The following ADARB2 variants were observed in gnomAD, a reference collection of about 807,000 sequenced individuals.
The protein encoded by ADARB2 is inactive double-stranded RNA-specific editase B2.
ADARB2 carries 25 observed loss-of-function variants against 62.2 expected under a neutral mutation model. That is an observed-to-expected ratio of 0.40 (90% CI 0.29 to 0.56). The LOEUF (loss-of-function observed/expected upper bound fraction) is 0.56. Ranked by LOEUF, ADARB2 falls within the 20% of genes least tolerant of loss-of-function variation. ADARB2 has a pLI of 0.43. For missense variants in ADARB2, 1,071 were observed against 1,077.4 expected (o/e 0.99, Z 0.08); for synonymous variants, 572 against 500.8 (o/e 1.14, Z -1.90).
intron 1 of ADARB2, among the ~76,000 whole-genome samples, chr10:1,687,917 G>A (rs536705898): frequency 2.0e-4 from 30 of 152,282 alleles, no homozygotes; most frequent in African/African-American, 6.7e-4. Context: ...AGTTCTAAAC[G>A]GAGCAGTTGA....
intron 1 of ADARB2, among the ~76,000 whole-genome samples, chr10:1,642,598 A>T (rs914124393): frequency 6.6e-6 from 1 of 152,252 alleles, no homozygotes. Flanking sequence ...AAGATAAAGA[A>T]GGAGCTACTA....
intron 1 of ADARB2, among the ~76,000 whole-genome samples, chr10:1,515,326 G>A (rs1015293725): frequency 3.3e-5 from 5 of 152,208 alleles, no homozygotes; most frequent in African/African-American, 9.6e-5. Flanking sequence ...GGTGCACTGG[G>A]CCCTGACCCC....
chr10:1,423,265 C>T (rs1832866230), intron 1 of ADARB2, among the ~76,000 whole-genome samples: 1 of 152,220 alleles, frequency 6.6e-6, no homozygotes, highest in Non-Finnish European at 1.5e-5. Context: ...CCCCTCCCTT[C>T]CTGAAATCAC....
At chr10:1,379,288 C>A in intron 1 of ADARB2, 128 bp from the exon 2 acceptor site, 1 of 696,138 alleles carries the variant, frequency 1.4e-6, no homozygotes, top group East Asian at 2.7e-5. Flanking sequence ...TCAGCCATTT[C>A]ATTCTGGTTC....
intron 1 of ADARB2, among the ~76,000 whole-genome samples, chr10:1,599,541 G>A (rs1051990418): frequency 3.9e-5 from 6 of 152,100 alleles, no homozygotes; most frequent in African/African-American, 1.4e-4. Flanking sequence ...GTCCTGAAGA[G>A]CCGTTAATTA....
At chr10:1,415,289 A>T (rs995697066) in intron 1 of ADARB2, among the ~76,000 whole-genome samples, 4 of 149,764 alleles carry the variant, frequency 2.7e-5, no homozygotes, top group African/African-American at 7.4e-5. Context: ...CTGGGTGGGT[A>T]TATGACGATA....
chr10:1,428,840 ATCCCACACACACATACACACACGG>A (rs1830745850), intron 1 of ADARB2, among the ~76,000 whole-genome samples: 1 of 151,468 alleles, frequency 6.6e-6, no homozygotes, highest in Non-Finnish European at 1.5e-5. Flanking sequence ...CACACACGCA[ATCCCACACACACATACACACACGG>A]ACACACACAC....
chr10:1,603,316 G>A (rs1038728519), intron 1 of ADARB2, among the ~76,000 whole-genome samples: 5 of 152,216 alleles, frequency 3.3e-5, no homozygotes, highest in Admixed American at 3.3e-4. Flanking sequence ...TCCTGGTGCC[G>A]CATTGACAAG....
At chr10:1,465,043 G>C (rs568028959) in intron 1 of ADARB2, among the ~76,000 whole-genome samples, 2 of 152,348 alleles carry the variant, frequency 1.3e-5, no homozygotes, top group Non-Finnish European at 2.9e-5. Flanking sequence ...GCTCCTCCCT[G>C]GGATGAAACA....
intron 1 of ADARB2, among the ~76,000 whole-genome samples, chr10:1,577,901 G>C (rs1202229060): frequency 6.6e-6 from 1 of 152,190 alleles, no homozygotes; most frequent in Admixed American, 6.5e-5. Flanking sequence ...GAGGAGATGA[G>C]GACACAGACA....
chr10:1,625,880 T>TGCCCCACTTCTCATGCCTCTGCCTGACC (rs1833759362), intron 1 of ADARB2, among the ~76,000 whole-genome samples: 1 of 145,744 alleles, frequency 6.9e-6, no homozygotes, highest in East Asian at 2.0e-4. Flanking sequence ...CCTGCCTGGC[T>TGCCCCACTTCTCATGCCTCTGCCTGACC]GCCCCACTTC....
At chr10:1,681,767 C>A (rs1298437296) in intron 1 of ADARB2, among the ~76,000 whole-genome samples, 1 of 152,234 alleles carries the variant, frequency 6.6e-6, no homozygotes, top group Non-Finnish European at 1.5e-5. Flanking sequence ...TGATAACATG[C>A]ATTTTACATG....
At chr10:1,391,362 C>T (rs1452850701) in intron 1 of ADARB2, among the ~76,000 whole-genome samples, 1 of 152,114 alleles carries the variant, frequency 6.6e-6, no homozygotes, top group Non-Finnish European at 1.5e-5. Context: ...GTGTGCCTGC[C>T]CATCAGACAC....
chr10:1,407,311 A>G (rs530398034), intron 1 of ADARB2, among the ~76,000 whole-genome samples: 1 of 152,276 alleles, frequency 6.6e-6, no homozygotes, highest in Non-Finnish European at 1.5e-5. Flanking sequence ...TCTGTCTTCT[A>G]CAAGTGCCAT....
chr10:1,263,633 A>G (rs921486870), intron 4 of ADARB2, among the ~76,000 whole-genome samples: 3 of 152,218 alleles, frequency 2.0e-5, no homozygotes, highest in Non-Finnish European at 4.4e-5. Flanking sequence ...CTAGACCTTG[A>G]GAGTGTAGCA....
At chr10:1,207,451 C>T (rs1328433962) in intron 7 of ADARB2, among the ~76,000 whole-genome samples, 1 of 152,180 alleles carries the variant, frequency 6.6e-6, no homozygotes, top group African/African-American at 2.4e-5. Flanking sequence ...GAAGGACCTA[C>T]ACTCTGAGAT....
intron 1 of ADARB2, among the ~76,000 whole-genome samples, chr10:1,527,497 A>T (rs943612031): frequency 3.9e-5 from 6 of 152,218 alleles, no homozygotes; most frequent in Admixed American, 1.3e-4. Context: ...ATCCACAAAA[A>T]CTAAATTAAA....
chr10:1,605,925 C>A (rs570710530), intron 1 of ADARB2, among the ~76,000 whole-genome samples: 1 of 152,216 alleles, frequency 6.6e-6, no homozygotes, highest in South Asian at 2.1e-4. Context: ...GACAAAATGT[C>A]CATAGAACAA....
rs1315696556 is a variant in ADARB2 at position 1,327,213 on chromosome 10, A to ACTGCC, written c.1077+35814_1077+35815insGGCAG. ...CCTCCCCAAGGCACAGCGCCTCCTC[A>ACTGCC]CAGTTCAGCGCCTCCCCACGGCACA... On this transcript the variant is annotated intron_variant, in intron 3 of 9. Coordinates refer to ENST00000381312, the MANE Select transcript of ADARB2 (RefSeq NM_018702.4). 9.8e-5 allele frequency among the ~76,000 whole-genome samples: 11 copies of ACTGCC among 111,990 alleles called. No individual in the cohort carries two copies. The South Asian group carries it at 1.2e-3, about 12-fold the overall frequency. The allele number at this position is 111,990 out of a possible 152,430, so 73.5% of individuals were successfully genotyped here. A position where few individuals can be genotyped will look rare whatever the true frequency, so the allele number is the denominator to read the frequency against.
Sources: allele counts gnomAD v4.1 joint callset (sites outside exome capture counted in the v4.1 genomes callset), GRCh38; gene constraint gnomAD v4.1.1; transcripts MANE v1.5; gene names NCBI Gene and HGNC (gene_info 2026-07-23, HGNC 2026-07-21).